SLC17A5: variants seen among roughly 807,000 people sequenced by gnomAD.
The protein encoded by SLC17A5 is sialin.
Under a neutral mutation model 59.4 loss-of-function variants are expected in SLC17A5, and 47 were observed. The observed-to-expected ratio is 0.79, with a 90% confidence interval of 0.63 to 1.01. The LOEUF is 1.01. Among genes scored for constraint, SLC17A5 ranks in the 50% least tolerant of loss-of-function variants. The probability of loss-of-function intolerance (pLI) is 0.00; values close to 1 mark genes in which losing one functional copy is unlikely to be tolerated. For synonymous variants in SLC17A5, 202 were observed against 210.7 expected (o/e 0.96, Z 0.36); for missense variants, 522 against 595.5 (o/e 0.88, Z 1.28).
intron 1 of SLC17A5, among the ~76,000 whole-genome samples, chr6:73,648,348 C>T (rs1167098242): frequency 6.6e-6 from 1 of 152,182 alleles, no homozygotes; most frequent in Non-Finnish European, 1.5e-5. Context: ...ATCATGCTTG[C>T]ATAAGGAACA....
chr6:73,636,720 A>AT lies in SLC17A5; in HGVS notation c.614-14dup, dbSNP rs1561997938. 2.5e-6 allele frequency: 4 copies of AT among 1,570,772 alleles called. No individual in the cohort carries two copies. In the South Asian group the frequency reaches 3.3e-5, roughly 13 times the overall value. ...CCAAGCTGTGCTCCTAGAACAACAC[A>AT]TAAGACTATTTTATAAACTTTGGAG... On this transcript the variant is annotated splice_polypyrimidine_tract_variant and intron_variant, in intron 4 of 10. Transcript: ENST00000355773.
chr6:73,611,582 G>GT (rs34949489), intron 8 of SLC17A5, among the ~76,000 whole-genome samples: 200 of 145,948 alleles, frequency 1.4e-3, no homozygotes, highest in South Asian at 3.0e-3. Flanking sequence ...CCCGGCCTTG[G>GT]TTTTTTTTTT....
chr6:73,623,986 C>T (rs765514302), intron 6 of SLC17A5, among the ~76,000 whole-genome samples: 1 of 152,064 alleles, frequency 6.6e-6, no homozygotes, highest in Non-Finnish European at 1.5e-5. Context: ...CGTGAGCCAC[C>T]GTACCCGGCT....
At chr6:73,603,730 G>A (rs1479251059) in intron 9 of SLC17A5, among the ~76,000 whole-genome samples, 1 of 152,004 alleles carries the variant, frequency 6.6e-6, no homozygotes, top group African/African-American at 2.4e-5. Context: ...TAAAATTGCT[G>A]TCCCTTTACT....
In SLC17A5 at chr6:73,638,278, A is replaced by G. The variant is rs1358757679; in HGVS notation, c.613+134T>C. 4.4e-6 allele frequency: 3 copies of G among 683,876 alleles called. No individual in the cohort carries two copies. The East Asian group carries it at 8.2e-5, about 19-fold the overall frequency. 42.4% of individuals were successfully genotyped at this position (683,876 alleles called of 1,614,324 possible). A position where few individuals can be genotyped will look rare whatever the true frequency, so the allele number is the denominator to read the frequency against. On this transcript the variant is annotated intron_variant, in intron 4 of 10. Transcript: ENST00000355773. Reference sequence around the variant, plus strand: ...AGAGAAAAATTGGTAATAAAGTTATACTACCGAAACTTAATGTTCTCCCCA... The same window carrying G: ...AGAGAAAAATTGGTAATAAAGTTATGCTACCGAAACTTAATGTTCTCCCCA...
At chr6:73,628,399 G>A (rs1365270941) in intron 6 of SLC17A5, among the ~76,000 whole-genome samples, 1 of 152,116 alleles carries the variant, frequency 6.6e-6, no homozygotes, top group Non-Finnish European at 1.5e-5. Flanking sequence ...GTGAAACCCT[G>A]GCTCTACTAA....
intron 6 of SLC17A5, among the ~76,000 whole-genome samples, chr6:73,633,354 A>T (rs1255656469): frequency 1.3e-5 from 2 of 151,830 alleles, no homozygotes; most frequent in Non-Finnish European, 1.5e-5. Flanking sequence ...TTGTAGAGAC[A>T]TTTATAGCAA....
chr6:73,603,114 C>T (rs188120661), intron 9 of SLC17A5, among the ~76,000 whole-genome samples: 1 of 152,144 alleles, frequency 6.6e-6, no homozygotes, highest in African/African-American at 2.4e-5. Context: ...TCATATCAAA[C>T]ATAAAATTTG....
chr6:73,618,452 G>A lies in SLC17A5; in HGVS notation c.979-3005C>T, dbSNP rs149172609. ...AATTCCTACTTCATGGATGTGAAGTGCCCAGGACGCTATAAAATCATCACG... is the reference window on the plus strand; with the variant it reads ...AATTCCTACTTCATGGATGTGAAGTACCCAGGACGCTATAAAATCATCACG... On this transcript the variant is annotated intron_variant, in intron 7 of 10. Coordinates refer to ENST00000355773, the MANE Select transcript of SLC17A5 (RefSeq NM_012434.5). The A allele has an allele frequency of 3.1e-4, 138 of 439,858 alleles. 1 individual carries two copies. The East Asian group carries it at 5.9e-3, about 19-fold the overall frequency. 27.2% of individuals were successfully genotyped at this position (439,858 alleles called of 1,614,324 possible). A position where few individuals can be genotyped will look rare whatever the true frequency, so the allele number is the denominator to read the frequency against.
In SLC17A5 at chr6:73,634,117, T is replaced by C. The variant is rs116307612; in HGVS notation, c.819+1265A>G. Reference sequence around the variant, plus strand: ...ATTTAGTATATTGAATTATTATAGATTTTTATTTGTGATTTGCCTTTGTGC... The same window carrying C: ...ATTTAGTATATTGAATTATTATAGACTTTTATTTGTGATTTGCCTTTGTGC... On this transcript the variant is annotated intron_variant, in intron 6 of 10. Coordinates refer to ENST00000355773, the MANE Select transcript of SLC17A5 (RefSeq NM_012434.5). Among the ~76,000 whole-genome samples the C allele has an allele frequency of 7.7e-3, 1,174 of 152,228 alleles. 19 individuals carry two copies. Among genetic ancestry groups the C allele is most frequent in the African/African-American group, 0.027 (1,123 of 41,544 alleles).
intron 6 of SLC17A5, among the ~76,000 whole-genome samples, chr6:73,629,410 C>CAA (rs1768590520): frequency 6.6e-6 from 1 of 151,580 alleles, no homozygotes; most frequent in South Asian, 2.1e-4. Flanking sequence ...AAACAACACA[C>CAA]AAACAAAAAC....
In SLC17A5 at chr6:73,594,609, G is replaced by A. The variant is rs893458360; in HGVS notation, c.*468C>T. The A allele has an allele frequency of 9.0e-5, 17 of 188,818 alleles. No homozygotes were observed. The highest frequency in any genetic ancestry group is 1.5e-4 in the Non-Finnish European group (14 of 90,528). 11.7% of individuals were successfully genotyped at this position (188,818 alleles called of 1,614,324 possible). A position where few individuals can be genotyped will look rare whatever the true frequency, so the allele number is the denominator to read the frequency against. ...ACTCCCCTCAGTCCAGTTGCCAGGC[G>A]AAATTATACAGTGGATGGCAGCTCC... On this transcript the variant is annotated 3_prime_UTR_variant, in exon 11 of 11. Transcript: ENST00000355773.
At position 73,644,496 on chromosome 6, in the gene SLC17A5, C is replaced by G; in HGVS notation, c.202G>C (p.Val68Leu). 1 of 1,613,956 alleles carries G rather than the reference C, an allele frequency of 6.2e-7. No individual in the cohort carries two copies. The highest frequency in any genetic ancestry group is 8.5e-7 in the Non-Finnish European group (1 of 1,179,886). The part of the protein sequence containing the change: ...VNLSVALVDM[V>L]DSNTTLEDNR... ...TCTTCTAAAGTTGTATTTGAATCTA[C>G]CATATCCACTAACGCAACACTCAGA... The change falls in exon 2 of 11, where the codon GTA becomes CTA. Residue 68 changes from valine (V) to leucine (L), a missense_variant. Around this residue, in one of 3 missense-constraint regions of SLC17A5, gnomAD observed 338 missense variants for 363.8 expected, o/e 0.93. Coordinates refer to ENST00000355773, the MANE Select transcript of SLC17A5 (RefSeq NM_012434.5).
intron 5 of SLC17A5, among the ~76,000 whole-genome samples, chr6:73,635,937 C>T (rs905300244): frequency 1.3e-5 from 2 of 152,082 alleles, no homozygotes; most frequent in East Asian, 1.9e-4. Context: ...GATGGGGTTC[C>T]ACCATGTTGG....
intron 9 of SLC17A5, among the ~76,000 whole-genome samples, chr6:73,604,466 G>A (rs1265009012): frequency 6.6e-6 from 1 of 152,080 alleles, no homozygotes; most frequent in Admixed American, 6.6e-5. Context: ...TTTTGGGGCC[G>A]GGTGTGGTGG....
At chr6:73,651,794 C>G (rs1485550010) in intron 1 of SLC17A5, among the ~76,000 whole-genome samples, 1 of 152,082 alleles carries the variant, frequency 6.6e-6, no homozygotes, top group Non-Finnish European at 1.5e-5. Context: ...CTCAGGTGAT[C>G]CGCCCGCCTC....
At chr6:73,622,989 C>A (rs1768222959) in intron 6 of SLC17A5, among the ~76,000 whole-genome samples, 2 of 152,118 alleles carry the variant, frequency 1.3e-5, no homozygotes, top group Admixed American at 1.3e-4. Context: ...TAATGGCATC[C>A]TCACTTGTTT....
chr6:73,643,179 T>G (rs1562000303), intron 2 of SLC17A5, among the ~76,000 whole-genome samples: 1 of 151,838 alleles, frequency 6.6e-6, no homozygotes, highest in Non-Finnish European at 1.5e-5. Context: ...ATTTTTTTTT[T>G]GAGACGGAAT....
chr6:73,636,761 G>C lies in SLC17A5; in HGVS notation c.614-54C>G, dbSNP rs1769024798. On this transcript the variant is annotated intron_variant, in intron 4 of 10. Transcript: ENST00000355773. ...AACTTTGGAGAGAGAAACAAGGATAGGACAGACAAGTCTACTGCTTACAGA... is the reference window on the plus strand; with the variant it reads ...AACTTTGGAGAGAGAAACAAGGATACGACAGACAAGTCTACTGCTTACAGA... The C allele has an allele frequency of 1.3e-5, 17 of 1,272,500 alleles. No homozygotes were observed. In the East Asian group the frequency reaches 3.9e-4, roughly 29 times the overall value. 78.8% of individuals were successfully genotyped at this position (1,272,500 alleles called of 1,614,324 possible).
Sources: gnomAD v4.1 joint callset for allele counts (sites outside exome capture counted in the v4.1 genomes callset) on GRCh38, gnomAD v4.1.1 for gene constraint, gnomAD v4.1.1 regional missense constraint, MANE v1.5 for transcripts, NCBI Gene and HGNC (gene_info 2026-07-23, HGNC 2026-07-21) for gene names.